DOCK9: variants seen among roughly 807,000 people sequenced by gnomAD.
DOCK9 encodes dedicator of cytokinesis protein 9.
In DOCK9, 89 loss-of-function variants were observed where a neutral mutation model predicts 263.3. That is an observed-to-expected ratio of 0.34 (90% CI 0.28 to 0.40). DOCK9 has a LOEUF of 0.40. Ranked by LOEUF, DOCK9 falls within the 10% of genes least tolerant of loss-of-function variation. The pLI is 1.00. For missense variants in DOCK9, 2,140 were observed against 2,603.4 expected (o/e 0.82, Z 3.87); for synonymous variants, 976 against 973.1 (o/e 1.00, Z -0.06).
At chr13:98,913,219 C>A (rs1427068023) in intron 9 of DOCK9, among the ~76,000 whole-genome samples, 1 of 152,078 alleles carries the variant, frequency 6.6e-6, no homozygotes, top group East Asian at 1.9e-4. Flanking sequence ...TATAGATAAA[C>A]CATGTTTCTA....
At chr13:98,904,000 CAA>C (rs2048725121) in intron 10 of DOCK9, among the ~76,000 whole-genome samples, 1 of 152,102 alleles carries the variant, frequency 6.6e-6, no homozygotes, top group South Asian at 2.1e-4. Context: ...TCATTTGATA[CAA>C]AGTTTCCGTG....
chr13:99,036,760 G>A (rs1375410742), intron 1 of DOCK9, among the ~76,000 whole-genome samples: 2 of 152,126 alleles, frequency 1.3e-5, no homozygotes, highest in South Asian at 2.1e-4. Context: ...GGATAGTCTC[G>A]ATCTTCTGAC....
chr13:98,867,991 G>C lies in DOCK9; in HGVS notation c.3111C>G (p.Asp1037Glu). 5 of 1,613,612 alleles carry C rather than the reference G, an allele frequency of 3.1e-6. No homozygotes were observed. The highest frequency in any genetic ancestry group is 3.4e-6 in the Non-Finnish European group (4 of 1,179,770). Residue 1037 changes from aspartate (D) to glutamate (E), a missense_variant, in exon 29 of 53, where the codon GAC becomes GAG. Coordinates refer to ENST00000682017, the MANE Select transcript of DOCK9 (RefSeq NM_001366683.2). ...VFIKRCFTFM[D>E]RGFVFKQINN... ...TGATCTGCTTGAAGACAAAGCCCCT[G>C]TCCATGAAGGTGAAACATCTCTGTG...
chr13:99,018,176 T>G lies in DOCK9; in HGVS notation c.130-62625A>C, dbSNP rs147684032. Among the ~76,000 whole-genome samples the G allele has an allele frequency of 3.1e-3, 471 of 152,364 alleles. 1 individual carries two copies. The highest frequency in any genetic ancestry group is 0.011 in the African/African-American group (456 of 41,582). ...AATGTGTCCCCCAAAGTTCATGAGT[T>G]AGAAACTTAATCTTCAATGGACAGT... On this transcript the variant is annotated intron_variant, in intron 1 of 32. Coordinates refer to the DOCK9 transcript ENST00000427887.
intron 27 of DOCK9, among the ~76,000 whole-genome samples, chr13:98,873,133 C>G (rs2094232807): frequency 6.6e-6 from 1 of 152,176 alleles, no homozygotes; most frequent in African/African-American, 2.4e-5. Flanking sequence ...CATGTGCTGC[C>G]CTCTGATGGC....
rs575477066 is a variant in DOCK9 at position 98,954,531 on chromosome 13, G to A, written c.243+904C>T. Among the ~76,000 whole-genome samples the A allele has an allele frequency of 2.3e-4, 35 of 152,272 alleles. No individual in the cohort carries two copies. The South Asian group carries it at 4.6e-3, about 20-fold the overall frequency. On this transcript the variant is annotated intron_variant, in intron 2 of 52. Coordinates refer to ENST00000682017, the MANE Select transcript of DOCK9 (RefSeq NM_001366683.2). ...ACCACAGGCCATAGCCTGAAAGAGC[G>A]GCACACAGCAGGAGCTGTGCTGAGT...
intron 24 of DOCK9, 117 bp from the exon 25 acceptor site, chr13:98,881,744 A>G: frequency 7.9e-7 from 1 of 1,271,904 alleles, no homozygotes; most frequent in Admixed American, 2.0e-5. Context: ...ACAAGGAGAC[A>G]AGGAATTAGA....
At chr13:99,082,038 C>T (rs1329368770) in intron 1 of DOCK9, among the ~76,000 whole-genome samples, 1 of 151,826 alleles carries the variant, frequency 6.6e-6, no homozygotes, top group African/African-American at 2.4e-5. Flanking sequence ...GGCAACAGGG[C>T]AAAACCCCAT....
intron 1 of DOCK9, among the ~76,000 whole-genome samples, chr13:99,026,378 A>C (rs1427429919): frequency 1.3e-5 from 2 of 152,236 alleles, no homozygotes; most frequent in East Asian, 1.9e-4. Flanking sequence ...CCCTAATTTC[A>C]ATACCGTTAT....
chr13:98,967,035 T>G (rs2059278323), intron 1 of DOCK9, among the ~76,000 whole-genome samples: 1 of 152,242 alleles, frequency 6.6e-6, no homozygotes, highest in Non-Finnish European at 1.5e-5. Context: ...CCATTCATGT[T>G]TGATAACCAC....
chr13:98,959,440 T>C (rs2058399668), intron 1 of DOCK9: 1 of 152,206 alleles, frequency 6.6e-6, no homozygotes, highest in Non-Finnish European at 1.5e-5. Context: ...AGTGACCTCA[T>C]AGGGCAGAGG....
intron 1 of DOCK9, among the ~76,000 whole-genome samples, chr13:99,054,046 T>C (rs1339423507): frequency 6.6e-6 from 1 of 152,236 alleles, no homozygotes; most frequent in Non-Finnish European, 1.5e-5. Flanking sequence ...GGTGAATTTC[T>C]GCATAGATCA....
intron 1 of DOCK9, 45 bp from the exon 2 acceptor site, chr13:98,955,596 C>T: frequency 7.5e-7 from 1 of 1,325,328 alleles, no homozygotes; most frequent in Non-Finnish European, 1.1e-6. Flanking sequence ...ACACAAATGC[C>T]ATTTCTTAAG....
intron 1 of DOCK9, among the ~76,000 whole-genome samples, chr13:99,048,955 T>A (rs2040559527): frequency 6.6e-6 from 1 of 152,240 alleles, no homozygotes; most frequent in Non-Finnish European, 1.5e-5. Flanking sequence ...ATAATAATAA[T>A]AAACAGCTGA....
rs375826773 is a variant in DOCK9, at chr13:98,861,335, C to T, written c.3580-813G>A. ...ACACTGCATCACTGTTGGGGTGGGA[C>T]GGAGGGACAGAAACATACATGAGAC... On this transcript the variant is annotated intron_variant, in intron 32 of 52. Transcript: ENST00000682017. 1.4e-3 allele frequency among the ~76,000 whole-genome samples: 214 copies of T among 152,046 alleles called. 6 individuals are homozygous for T. In the South Asian group the frequency reaches 0.042, roughly 30 times the overall value.
intron 1 of DOCK9, among the ~76,000 whole-genome samples, chr13:99,078,083 A>C (rs1191756602): frequency 1.3e-5 from 2 of 152,170 alleles, no homozygotes; most frequent in African/African-American, 4.8e-5. Flanking sequence ...AGGACAACCT[A>C]ACTTGGGATG....
chr13:98,912,618 T>TA (rs2050237257), intron 9 of DOCK9, among the ~76,000 whole-genome samples: 1 of 151,930 alleles, frequency 6.6e-6, no homozygotes, highest in African/African-American at 2.4e-5. Context: ...ATATTAAATA[T>TA]ATGTATATCT....
chr13:98,932,621 G>A (rs1259065252), intron 2 of DOCK9, among the ~76,000 whole-genome samples: 1 of 152,188 alleles, frequency 6.6e-6, no homozygotes, highest in African/African-American at 2.4e-5. Context: ...TCCAGCCTAG[G>A]TGGAGAACTT....
chr13:99,020,778 T>A (rs1016483830), intron 1 of DOCK9, among the ~76,000 whole-genome samples: 4 of 152,238 alleles, frequency 2.6e-5, no homozygotes, highest in African/African-American at 9.6e-5. Flanking sequence ...TCTACTTATA[T>A]ATCAGACCTG....
Sources: gnomAD v4.1 joint callset for allele counts (sites outside exome capture counted in the v4.1 genomes callset) on GRCh38, gnomAD v4.1.1 for gene constraint, MANE v1.5 for transcripts, NCBI Gene and HGNC (gene_info 2026-07-23, HGNC 2026-07-21) for gene names.